The following MAP2K5 variants were observed in gnomAD, a reference collection of about 807,000 sequenced individuals.
The protein encoded by MAP2K5 is mitogen-activated protein kinase kinase 5, also known as dual specificity mitogen-activated protein kinase kinase 5.
MAP2K5 carries 49 observed loss-of-function variants against 83.1 expected under a neutral mutation model. The observed-to-expected ratio is 0.59, with a 90% CI of 0.47 to 0.75. MAP2K5 has a LOEUF of 0.75. Ranked by LOEUF, MAP2K5 falls within the 30% of genes least tolerant of loss-of-function variation. MAP2K5 has a pLI of 0.00. For missense variants in MAP2K5, 457 were observed against 557.5 expected, an observed-to-expected ratio of 0.82 and a Z score of 1.82; for synonymous variants, 202 against 191.8, an observed-to-expected ratio of 1.05 and a Z score of -0.44.
intron 21 of MAP2K5, among the ~76,000 whole-genome samples, chr15:67,776,352 C>G (rs776865005): frequency 1.3e-5 from 2 of 152,122 alleles, no homozygotes; most frequent in Non-Finnish European, 2.9e-5. Flanking sequence ...GACCAACAAA[C>G]TTAGGGACAA....
At chr15:67,661,233 T>C (rs1040752206) in intron 12 of MAP2K5, among the ~76,000 whole-genome samples, 6 of 152,150 alleles carry the variant, frequency 3.9e-5, no homozygotes, top group Admixed American at 2.0e-4. Flanking sequence ...TTTTCTCTAC[T>C]ATCCATTTGA....
chr15:67,675,064 A>G (rs902417191), intron 13 of MAP2K5, among the ~76,000 whole-genome samples: 1 of 152,252 alleles, frequency 6.6e-6, no homozygotes, highest in African/African-American at 2.4e-5. Flanking sequence ...TAGACATGCC[A>G]CTACCGTATG....
chr15:67,656,203 G>A (rs866115124), intron 11 of MAP2K5, among the ~76,000 whole-genome samples: 3 of 152,072 alleles, frequency 2.0e-5, no homozygotes, highest in Non-Finnish European at 4.4e-5. Context: ...CACCATCTCA[G>A]CTAAAATTAA....
At chr15:67,732,237 ATGGTGGGCAATGGTT>A (rs2141252534) in intron 17 of MAP2K5, among the ~76,000 whole-genome samples, 1 of 152,294 alleles carries the variant, frequency 6.6e-6, no homozygotes, top group Non-Finnish European at 1.5e-5. Context: ...AAAAAACATA[ATGGTGGGCAATGGTT>A]TGTTTAATGA....
chr15:67,624,068 A>G (rs527698103), intron 8 of MAP2K5, among the ~76,000 whole-genome samples: 61 of 150,320 alleles, frequency 4.1e-4, no homozygotes, highest in African/African-American at 1.3e-3. Flanking sequence ...GGCCGGGCGC[A>G]GTGGCTCACA....
At chr15:67,582,900 A>G (rs541820425) in intron 4 of MAP2K5, among the ~76,000 whole-genome samples, 1 of 152,146 alleles carries the variant, frequency 6.6e-6, no homozygotes, top group East Asian at 1.9e-4. Flanking sequence ...AATTTTTTTT[A>G]GTTATCTTCA....
At chr15:67,756,351 G>T (rs1173718228) in intron 19 of MAP2K5, among the ~76,000 whole-genome samples, 1 of 152,150 alleles carries the variant, frequency 6.6e-6, no homozygotes, top group African/African-American at 2.4e-5. Flanking sequence ...GAATACAGTT[G>T]TGCCTTGTAG....
chr15:67,647,475 G>A lies in MAP2K5; in HGVS notation c.736+1006G>A, dbSNP rs1295260627. On this transcript the variant is annotated intron_variant, in intron 11 of 21. Coordinates refer to ENST00000178640, the MANE Select transcript of MAP2K5 (RefSeq NM_145160.3). ...AAACATTTTTGTTGAAACAGGGCAC[G>A]GTGGTTCACGCATGTAATCCCAGCA... Among the ~76,000 whole-genome samples the A allele has an allele frequency of 1.3e-5, 2 of 152,108 alleles. 1 individual carries two copies. The highest frequency in any genetic ancestry group is 1.3e-4 in the Admixed American group (2 of 15,264).
intron 7 of MAP2K5, among the ~76,000 whole-genome samples, chr15:67,597,373 T>C (rs1016214615): frequency 6.6e-6 from 1 of 152,192 alleles, no homozygotes; most frequent in African/African-American, 2.4e-5. Flanking sequence ...TGGCCATTGA[T>C]AGGAATGTCC....
intron 13 of MAP2K5, among the ~76,000 whole-genome samples, chr15:67,684,042 A>C (rs2087887111): frequency 6.6e-6 from 1 of 152,202 alleles, no homozygotes; most frequent in South Asian, 2.1e-4. Context: ...GTTCAAGGAG[A>C]CCAAAATGGC....
In MAP2K5 at chr15:67,719,505, G is replaced by A. The variant is rs1244970498; in HGVS notation, c.1045-8411G>A. Among the ~76,000 whole-genome samples the A allele has an allele frequency of 6.6e-6, 1 of 152,144 alleles. No homozygotes were observed. Among genetic ancestry groups the A allele is most frequent in the Non-Finnish European group, 1.5e-5 (1 of 68,014 alleles). The stretch of plus-strand genomic sequence containing the variant: ...CCCTTAAACAAGTTAAAATTTATAA[G>A]GCACTAGAAACACAGGAAGATGTAG... On this transcript the variant is annotated intron_variant, in intron 16 of 21. Coordinates refer to ENST00000178640, the MANE Select transcript of MAP2K5 (RefSeq NM_145160.3). The surrounding 1 kb of genome is among the most constrained non-coding windows in gnomAD (Gnocchi z 4.6).
rs1432813954 is a variant in MAP2K5, at chr15:67,577,710, C to G, written c.253-3044C>G. On this transcript the variant is annotated intron_variant, in intron 3 of 21. Coordinates refer to ENST00000178640, the MANE Select transcript of MAP2K5 (RefSeq NM_145160.3). The surrounding 1 kb of genome is among the most constrained non-coding windows in gnomAD (Gnocchi z 4.1). Reference sequence around the variant, plus strand: ...ACACTAATAGATCCAGATCTAAAAACAATTTGCTGGCCGTGTGCAGTGGCT... The same window carrying G: ...ACACTAATAGATCCAGATCTAAAAAGAATTTGCTGGCCGTGTGCAGTGGCT... Among the ~76,000 whole-genome samples, 1 of 152,032 alleles carries G rather than the reference C, an allele frequency of 6.6e-6. No individual in the cohort carries two copies. The highest frequency in any genetic ancestry group is 1.5e-5 in the Non-Finnish European group (1 of 68,004).
chr15:67,669,059 C>T (rs924467130), intron 13 of MAP2K5, among the ~76,000 whole-genome samples: 1 of 152,086 alleles, frequency 6.6e-6, no homozygotes, highest in South Asian at 2.1e-4. Context: ...AATCTGGCCT[C>T]ACACAGACTT....
chr15:67,645,339 G>T (rs1201467019), intron 9 of MAP2K5, among the ~76,000 whole-genome samples: 7 of 151,850 alleles, frequency 4.6e-5, no homozygotes, highest in Non-Finnish European at 8.8e-5. Flanking sequence ...AATTAGCTGG[G>T]TATGGTGGCA....
At chr15:67,614,713 A>G (rs183365527) in intron 8 of MAP2K5, among the ~76,000 whole-genome samples, 72 of 152,286 alleles carry the variant, frequency 4.7e-4, no homozygotes, top group African/African-American at 1.4e-3. Context: ...GGCCACATCA[A>G]CTTGTGGAAG....
chr15:67,784,555 TCCAC>T (rs2090384053), intron 21 of MAP2K5, among the ~76,000 whole-genome samples: 1 of 152,164 alleles, frequency 6.6e-6, no homozygotes, highest in South Asian at 2.1e-4. Flanking sequence ...GCACACACTC[TCCAC>T]CCATCCCCAG....
intron 13 of MAP2K5, among the ~76,000 whole-genome samples, chr15:67,687,976 G>A (rs949248657): frequency 6.6e-6 from 1 of 152,188 alleles, no homozygotes; most frequent in African/African-American, 2.4e-5. Flanking sequence ...AAAAGGGAAA[G>A]GAAGTATCTG....
At chr15:67,733,949 A>G (rs145888802) in intron 17 of MAP2K5, among the ~76,000 whole-genome samples, 20 of 152,366 alleles carry the variant, frequency 1.3e-4, no homozygotes, top group Middle Eastern at 6.8e-3. Context: ...GAGGAGCTGT[A>G]GGTGGCATTT....
intron 13 of MAP2K5, among the ~76,000 whole-genome samples, chr15:67,674,685 A>G (rs527292595): frequency 2.5e-4 from 38 of 152,210 alleles, no homozygotes; most frequent in Non-Finnish European, 4.6e-4. Context: ...CAGAAACGCT[A>G]CATGTCTTAA....
Sources: allele counts gnomAD v4.1 joint callset (sites outside exome capture counted in the v4.1 genomes callset), GRCh38; gene constraint gnomAD v4.1.1; non-coding constraint Gnocchi (gnomAD v3.1); transcripts MANE v1.5; gene names NCBI Gene and HGNC (gene_info 2026-07-23, HGNC 2026-07-21).